Variants in CAPN6 observed in about 807,000 individuals in gnomAD.
CAPN6 encodes calpain-6.
Under a neutral mutation model 46.0 loss-of-function variants are expected in CAPN6, and 16 were observed. The ratio of observed to expected loss-of-function variants is 0.35; its 90% confidence interval spans 0.24 to 0.53. The LOEUF (loss-of-function observed/expected upper bound fraction) is 0.53, where lower values mean the gene tolerates loss of function less well. CAPN6 is among the 20% of genes least tolerant of loss of function. The pLI, the probability that CAPN6 is intolerant of heterozygous loss-of-function variation, is 0.94. For synonymous variants in CAPN6, 206 were observed against 172.8 expected (o/e 1.19, Z -1.51); for missense variants, 461 against 498.0 (o/e 0.93, Z 0.71).
rs2094980444 is a variant in CAPN6 at position 111,252,480 on chromosome X, C to A, written c.526G>T (p.Ala176Ser). The part of the protein sequence containing the change: ...AYAKLLGCYE[A>S]LDGLTITDII... Reference sequence around the variant, plus strand: ...TCAGTGATGGTCAAACCATCCAGGGCCTCATAACAGCCTAGCAGCCTGAGG... The same window carrying A: ...TCAGTGATGGTCAAACCATCCAGGGACTCATAACAGCCTAGCAGCCTGAGG... The change falls in exon 5 of 13, where the codon GCC becomes TCC. Residue 176 changes from alanine (A) to serine (S), a missense_variant. Ala to Ser is a moderately conservative substitution (Grantham distance 99). Coordinates refer to ENST00000324068, the MANE Select transcript of CAPN6 (RefSeq NM_014289.4). The A allele has an allele frequency of 1.7e-6, 2 of 1,205,951 alleles. No homozygotes were observed. Among genetic ancestry groups the A allele is most frequent in the East Asian group, 3.0e-5 (1 of 33,694 alleles).
At chrX:111,249,093 A>G in intron 8 of CAPN6, 36 bp from the exon 9 acceptor site, 2 of 1,193,976 alleles carry the variant, frequency 1.7e-6, no homozygotes, top group Non-Finnish European at 2.3e-6. Flanking sequence ...GTGAGTTAGC[A>G]TTCCCATTTC....
intron 1 of CAPN6, among the ~76,000 whole-genome samples, chrX:111,269,737 G>A (rs919134547): frequency 1.2e-4 from 13 of 111,856 alleles, no homozygotes; most frequent in African/African-American, 4.2e-4. Flanking sequence ...AACAAAGCCA[G>A]GCCAGAGGCT....
intron 1 of CAPN6, among the ~76,000 whole-genome samples, chrX:111,269,656 C>T (rs1409558236): frequency 1.8e-5 from 2 of 111,911 alleles, no homozygotes; most frequent in African/African-American, 6.5e-5. Flanking sequence ...GAACAGTGTA[C>T]TTGGCCTGGG....
chrX:111,250,343 G>C (rs769014671), intron 8 of CAPN6, among the ~76,000 whole-genome samples: 1 of 111,402 alleles, frequency 9.0e-6, no homozygotes. Context: ...AGTGTGCGTG[G>C]ACTTGACCCT....
At chrX:111,269,542 G>A (rs1001058965) in intron 1 of CAPN6, among the ~76,000 whole-genome samples, 7 of 111,952 alleles carry the variant, frequency 6.3e-5, no homozygotes, top group African/African-American at 2.0e-4. Flanking sequence ...CAAACTTACA[G>A]TTCCAAATCC....
chrX:111,251,983 T>C (rs1297543505), intron 5 of CAPN6, among the ~76,000 whole-genome samples: 1 of 112,196 alleles, frequency 8.9e-6, no homozygotes. Context: ...TGAACTGCCA[T>C]AAAATTTGAT....
At chrX:111,251,352 A>G in intron 6 of CAPN6, 66 bp from the exon 7 acceptor site, 2 of 1,066,562 alleles carry the variant, frequency 1.9e-6, no homozygotes, top group Non-Finnish European at 2.6e-6. Flanking sequence ...TCTTGTAGTA[A>G]GTAGGATGCC....
chrX:111,254,329 G>A lies in CAPN6; in HGVS notation c.240C>T (p.His80=), dbSNP rs779282709. The change falls in exon 3 of 13, where the codon CAC becomes CAT. Residue 80 remains histidine (H), a synonymous_variant. Coordinates refer to ENST00000324068, the MANE Select transcript of CAPN6 (RefSeq NM_014289.4). The part of the protein sequence containing the change: ...NHQLTQGRLG[H]KPMVSAFSCL... ...AGGAAAATGCAGAAACCATTGGCTT[G>A]TGCCCCAGTCTCCCTTGGGTCAGCT... The A allele has an allele frequency of 1.7e-6, 2 of 1,206,816 alleles. No homozygotes were observed. Among genetic ancestry groups the A allele is most frequent in the South Asian group, 3.5e-5 (2 of 56,749 alleles).
chrX:111,264,092 C>T (rs1310416886), intron 1 of CAPN6, 141 bp from the exon 2 acceptor site: 3 of 382,504 alleles, frequency 7.8e-6, no homozygotes, highest in Non-Finnish European at 1.3e-5. Context: ...AAGGAAATGT[C>T]ACCATTTTCA....
chrX:111,250,038 A>G (rs1392870420), intron 8 of CAPN6, among the ~76,000 whole-genome samples: 1 of 111,087 alleles, frequency 9.0e-6, no homozygotes, highest in Non-Finnish European at 1.9e-5. Context: ...CCAGAGTTGT[A>G]AATGGAGGTG....
chrX:111,258,941 A>C (rs1031075642), intron 2 of CAPN6, among the ~76,000 whole-genome samples: 29 of 112,531 alleles, frequency 2.6e-4, no homozygotes, highest in African/African-American at 9.4e-4. Flanking sequence ...GAAGCCAGTT[A>C]CTTTTATGAT....
intron 1 of CAPN6, among the ~76,000 whole-genome samples, chrX:111,265,549 A>G (rs2094991137): frequency 8.9e-6 from 1 of 112,146 alleles, no homozygotes; most frequent in Non-Finnish European, 1.9e-5. Context: ...GGTATCAGTA[A>G]AAATTTTTAG....
chrX:111,251,511 C>T, intron 6 of CAPN6, 38 bp downstream of exon 6: 1 of 1,099,043 alleles, frequency 9.1e-7, no homozygotes, highest in African/African-American at 1.8e-5. Flanking sequence ...AACTACAGGG[C>T]TTTGGAGATG....
intron 10 of CAPN6, 127 bp downstream of exon 10, chrX:111,248,442 A>G: frequency 1.9e-6 from 1 of 525,670 alleles, no homozygotes; most frequent in Admixed American, 3.1e-5. Context: ...CCATGATTTC[A>G]GTGAATCAAG....
rs17882616 is a variant in CAPN6, at chrX:111,251,049, A to G, written c.1026T>C (p.Asn342=). The part of the protein sequence containing the change: ...RNFHKLNVCR[N]VNNPIFGRKE... ...TTCGGCCAAAAATAGGGTTGTTCAC[A>G]TTGCGGCAGACATTCAGTTTGTGAA... Residue 342 remains asparagine (N), a synonymous_variant, in exon 8 of 13, where the codon AAT becomes AAC. Transcript: ENST00000324068. 36,108 of 1,209,389 alleles carry G rather than the reference A, an allele frequency of 0.03. 409 individuals carry two copies. Among genetic ancestry groups the G allele is most frequent in the Non-Finnish European group, 0.034 (30,879 of 895,121 alleles).
At chrX:111,247,346 C>G in intron 12 of CAPN6, 22 bp downstream of exon 12, 1 of 1,165,342 alleles carries the variant, frequency 8.6e-7, no homozygotes, top group African/African-American at 1.8e-5. Flanking sequence ...GCCTTTCTGG[C>G]GACCCCTGTA....
At position 111,269,356 on chromosome X, in the gene CAPN6, T is replaced by A. The variant is rs17882173; in HGVS notation, c.-16+1015A>T. ...AGTTAATTAGCAGTCCACAAATAATTTTTTTGTTTATTACTTCAGACTGTA... is the reference window on the plus strand; with the variant it reads ...AGTTAATTAGCAGTCCACAAATAATATTTTTGTTTATTACTTCAGACTGTA... On this transcript the variant is annotated intron_variant, in intron 1 of 12. Coordinates refer to ENST00000324068, the MANE Select transcript of CAPN6 (RefSeq NM_014289.4). 1.2e-3 allele frequency among the ~76,000 whole-genome samples: 131 copies of A among 112,258 alleles called. 1 individual carries two copies. Among genetic ancestry groups the A allele is most frequent in the African/African-American group, 4.1e-3 (126 of 30,905 alleles).
intron 11 of CAPN6, 115 bp downstream of exon 11, chrX:111,247,756 C>T: frequency 1.0e-6 from 1 of 964,574 alleles, no homozygotes; most frequent in Non-Finnish European, 1.4e-6. Context: ...CCATCCATTC[C>T]CAACTTCTCT....
intron 8 of CAPN6, among the ~76,000 whole-genome samples, chrX:111,249,360 A>ATTG (rs1177942967): frequency 9.0e-6 from 1 of 110,983 alleles, no homozygotes. Context: ...TATTATTATT[A>ATTG]TTATTATTGT....
Sources: allele counts gnomAD v4.1 joint callset (sites outside exome capture counted in the v4.1 genomes callset), GRCh38; gene constraint gnomAD v4.1.1; transcripts MANE v1.5; gene names NCBI Gene and HGNC (gene_info 2026-07-23, HGNC 2026-07-21).